Variants in LONRF2 observed in about 807,000 individuals in gnomAD.
LONRF2 encodes the protein LON peptidase N-terminal domain and RING finger protein 2.
LONRF2 carries 35 observed loss-of-function variants against 66.6 expected under a neutral mutation model. That is an observed-to-expected ratio of 0.53 (90% CI 0.40 to 0.70). The LOEUF (loss-of-function observed/expected upper bound fraction) is 0.70. Ranked by LOEUF, LONRF2 falls within the 30% of genes least tolerant of loss-of-function variation. LONRF2 has a pLI of 0.00. For missense variants in LONRF2, 902 were observed against 1,002.1 expected (o/e 0.90, Z 1.35); for synonymous variants, 417 against 418.1 (o/e 1.00, Z 0.03).
intron 2 of LONRF2, among the ~76,000 whole-genome samples, chr2:100,307,509 C>A (rs188208344): frequency 4.6e-4 from 70 of 152,264 alleles, no homozygotes; most frequent in African/African-American, 1.6e-3. Context: ...TGCTGTCAGT[C>A]AGAAATAATA....
chr2:100,301,069 C>T (rs1254947447), intron 3 of LONRF2, among the ~76,000 whole-genome samples: 2 of 152,166 alleles, frequency 1.3e-5, no homozygotes, highest in Non-Finnish European at 2.9e-5. Flanking sequence ...TATATAAAAT[C>T]TCCCCTAAAA....
intron 2 of LONRF2, among the ~76,000 whole-genome samples, chr2:100,304,338 C>T (rs886706455): frequency 1.4e-5 from 2 of 147,252 alleles, no homozygotes; most frequent in South Asian, 2.1e-4. Flanking sequence ...CTTGGGGTCT[C>T]GTGATGTTTC....
chr2:100,316,305 C>T (rs554761576), intron 1 of LONRF2, among the ~76,000 whole-genome samples: 8 of 96,948 alleles, frequency 8.3e-5, no homozygotes, highest in South Asian at 6.3e-4. Context: ...GGCAACAGAG[C>T]GAGACTCCAT....
chr2:100,314,708 T>C (rs1227946320), intron 1 of LONRF2, among the ~76,000 whole-genome samples: 1 of 152,220 alleles, frequency 6.6e-6, no homozygotes, highest in Admixed American at 6.5e-5. Flanking sequence ...TGATGTGAGA[T>C]AGGTATTCAG....
chr2:100,293,115 T>C lies in LONRF2; in HGVS notation c.1757+1114A>G, dbSNP rs553434322. Reference sequence around the variant, plus strand: ...TTGCTTTTCTACACGGATTCTAAAATCAGCTTGAGCAAGTCCATGAAGAAG... The same window carrying C: ...TTGCTTTTCTACACGGATTCTAAAACCAGCTTGAGCAAGTCCATGAAGAAG... On this transcript the variant is annotated intron_variant, in intron 9 of 11. Coordinates refer to ENST00000393437, the MANE Select transcript of LONRF2 (RefSeq NM_198461.4). Among the ~76,000 whole-genome samples, 6 of 152,286 alleles carry C rather than the reference T, an allele frequency of 3.9e-5. No individual in the cohort carries two copies. In the South Asian group the frequency reaches 1.2e-3, roughly 32 times the overall value.
chr2:100,272,066 A>G lies in LONRF2; in HGVS notation c.*12232T>C, dbSNP rs1021325095. Among the ~76,000 whole-genome samples, 2 of 152,222 alleles carry G rather than the reference A, an allele frequency of 1.3e-5. No homozygotes were observed. The highest frequency in any genetic ancestry group is 6.5e-5 in the Admixed American group (1 of 15,284). On this transcript the variant is annotated 3_prime_UTR_variant, in exon 12 of 12. Transcript: ENST00000393437. ...ATTTGACAACCATCCTATTTAAATG[A>G]CATTACCAATAATGACTTGTGAAAA...
chr2:100,295,605 C>A, intron 7 of LONRF2, 52 bp from the exon 8 acceptor site: 2 of 1,565,610 alleles, frequency 1.3e-6, no homozygotes, highest in Non-Finnish European at 1.7e-6. Context: ...TTCTAAAGGA[C>A]GAAGCTTCCG....
chr2:100,318,367 C>G (rs183662184), intron 1 of LONRF2, among the ~76,000 whole-genome samples: 2 of 152,118 alleles, frequency 1.3e-5, no homozygotes, highest in South Asian at 4.1e-4. Context: ...TTTCAACATA[C>G]GTACTAGTTA....
Position 100,278,091 on chromosome 2 carries a change from T to G in LONRF2, c.*6207A>C, listed in dbSNP as rs1346342525. 1 of 152,148 alleles carries G rather than the reference T, an allele frequency of 6.6e-6. No homozygotes were observed. Among genetic ancestry groups the G allele is most frequent in the Non-Finnish European group, 1.5e-5 (1 of 68,028 alleles). 9.4% of individuals were successfully genotyped at this position (152,148 alleles called of 1,614,324 possible). On this transcript the variant is annotated 3_prime_UTR_variant, in exon 12 of 12. Transcript: ENST00000393437. ...TTCACGAAGACACACAATGGTCTCC[T>G]CAAACAACTCCATTTCAAATTCTGG...
At chr2:100,304,938 C>A (rs1217306417) in intron 2 of LONRF2, among the ~76,000 whole-genome samples, 1 of 152,030 alleles carries the variant, frequency 6.6e-6, no homozygotes, top group Non-Finnish European at 1.5e-5. Context: ...GCCTCCATGG[C>A]TCCTTTTTAA....
At position 100,322,183 on chromosome 2, in the gene LONRF2, G is replaced by T; in HGVS notation, c.-90C>A. The T allele has an allele frequency of 8.6e-7, 1 of 1,167,578 alleles. No homozygotes were observed. Among genetic ancestry groups the T allele is most frequent in the Non-Finnish European group, 1.1e-6 (1 of 939,154 alleles). The allele number at this position is 1,167,578 out of a possible 1,614,324, so 72.3% of individuals were successfully genotyped here. On this transcript the variant is annotated 5_prime_UTR_variant, in exon 1 of 12. Coordinates refer to ENST00000393437, the MANE Select transcript of LONRF2 (RefSeq NM_198461.4). The stretch of plus-strand genomic sequence containing the variant: ...CTGGGAACTGGCCGGCGGGAGCGCG[G>T]TCTCAGCCCTCGCCAGCAGCCACGC...
chr2:100,286,510 AATG>A (rs1189902981), intron 11 of LONRF2, among the ~76,000 whole-genome samples: 1 of 152,220 alleles, frequency 6.6e-6, no homozygotes, highest in Non-Finnish European at 1.5e-5. Context: ...ATGTCACAAG[AATG>A]ATGGGATTTT....
chr2:100,300,557 T>C, intron 4 of LONRF2, 87 bp downstream of exon 4: 1 of 1,299,280 alleles, frequency 7.7e-7, no homozygotes. Context: ...AATGCCATAA[T>C]GTGTGAATAA....
At chr2:100,319,188 C>CT (rs1205660207) in intron 1 of LONRF2, among the ~76,000 whole-genome samples, 41 of 148,880 alleles carry the variant, frequency 2.8e-4, no homozygotes, top group Admixed American at 9.3e-4. Context: ...CATCTGTGAA[C>CT]TTTTTTTTTA....
intron 1 of LONRF2, among the ~76,000 whole-genome samples, chr2:100,313,223 G>T (rs1284024529): frequency 2.6e-5 from 4 of 152,190 alleles, no homozygotes; most frequent in African/African-American, 9.6e-5. Context: ...AGCCAGGCGT[G>T]GTGGCTCACG....
intron 8 of LONRF2, 105 bp downstream of exon 8, chr2:100,295,327 A>G: frequency 9.7e-7 from 1 of 1,026,500 alleles, no homozygotes; most frequent in South Asian, 2.4e-5. Flanking sequence ...TTCCATTTAC[A>G]GACCAAGAGA....
Position 100,283,381 on chromosome 2 carries a change from G to T in LONRF2, c.*917C>A, listed in dbSNP as rs1674778972. 1.3e-5 allele frequency: 2 copies of T among 152,074 alleles called. No individual in the cohort carries two copies. The highest frequency in any genetic ancestry group is 6.5e-5 in the Admixed American group (1 of 15,274). The allele number at this position is 152,074 out of a possible 1,614,324, so 9.4% of individuals were successfully genotyped here. ...TAATGTTTTTGTATATTAATAAATG[G>T]ATAGTAAACTGAAATTTACTGATGG... On this transcript the variant is annotated 3_prime_UTR_variant, in exon 12 of 12. Coordinates refer to ENST00000393437, the MANE Select transcript of LONRF2 (RefSeq NM_198461.4).
intron 3 of LONRF2, among the ~76,000 whole-genome samples, chr2:100,302,578 T>C (rs1355137577): frequency 6.6e-6 from 1 of 152,218 alleles, no homozygotes; most frequent in South Asian, 2.1e-4. Flanking sequence ...GGTCACCCTA[T>C]AGAGCCGAAT....
Position 100,292,578 on chromosome 2 carries a change from T to C in LONRF2, c.1757+1651A>G, listed in dbSNP as rs186811782. Reference sequence around the variant, plus strand: ...GTTTTTTCTTGTTTTTCTTGTTGTTTGGATGGGAATAACATTCTTTTCAGT... The same window carrying C: ...GTTTTTTCTTGTTTTTCTTGTTGTTCGGATGGGAATAACATTCTTTTCAGT... On this transcript the variant is annotated intron_variant, in intron 9 of 11. Transcript: ENST00000393437. 3.9e-5 allele frequency among the ~76,000 whole-genome samples: 6 copies of C among 152,274 alleles called. No individual in the cohort carries two copies. In the East Asian group the frequency reaches 7.7e-4, roughly 20 times the overall value.
Sources: gnomAD v4.1 joint callset for allele counts (sites outside exome capture counted in the v4.1 genomes callset) on GRCh38, gnomAD v4.1.1 for gene constraint, MANE v1.5 for transcripts, NCBI Gene and HGNC (gene_info 2026-07-23, HGNC 2026-07-21) for gene names.